The following SGK3 variants were observed in gnomAD, a reference collection of about 807,000 sequenced individuals.
SGK3 encodes serum/glucocorticoid regulated kinase family member 3, also known as serine/threonine-protein kinase Sgk3.
Under a neutral mutation model 68.5 loss-of-function variants are expected in SGK3, and 47 were observed. That is an observed-to-expected ratio of 0.69 (90% CI 0.54 to 0.87). The LOEUF (loss-of-function observed/expected upper bound fraction) is 0.87, where lower values mean the gene tolerates loss of function less well. Among genes scored for constraint, SGK3 ranks in the 40% least tolerant of loss-of-function variants. SGK3 has a pLI of 0.00. For missense variants in SGK3, 479 were observed against 575.5 expected, an observed-to-expected ratio of 0.83 and a Z score of 1.72; for synonymous variants, 181 against 189.1, an observed-to-expected ratio of 0.96 and a Z score of 0.35.
chr8:66,789,145 T>C (rs1807333264), intron 1 of SGK3, among the ~76,000 whole-genome samples: 3 of 151,866 alleles, frequency 2.0e-5, no homozygotes, highest in African/African-American at 4.8e-5. Flanking sequence ...AAACACTACA[T>C]TTAGAATCTC....
chr8:66,827,932 G>A (rs1020203843), intron 6 of SGK3, among the ~76,000 whole-genome samples: 1 of 152,036 alleles, frequency 6.6e-6, no homozygotes, highest in Admixed American at 6.6e-5. Context: ...GACCATCCTG[G>A]CTAACACTGT....
At chr8:66,723,118 TATATATATA>T (rs1563595253) in intron 1 of SGK3, among the ~76,000 whole-genome samples, 54 of 53,346 alleles carry the variant, frequency 1.0e-3, no homozygotes, top group African/African-American at 4.3e-3. Context: ...TATATATATA[TATATATATA>T]TATATTTTTT....
intron 1 of SGK3, among the ~76,000 whole-genome samples, chr8:66,780,671 G>A (rs928714201): frequency 6.6e-6 from 1 of 152,144 alleles, no homozygotes; most frequent in African/African-American, 2.4e-5. Flanking sequence ...ACACAGAGGC[G>A]AGAGGCCCTG....
At chr8:66,795,059 C>A (rs1473314064) in intron 2 of SGK3, among the ~76,000 whole-genome samples, 1 of 152,194 alleles carries the variant, frequency 6.6e-6, no homozygotes, top group African/African-American at 2.4e-5. Context: ...TGATCCACCC[C>A]AGCCTCTAAA....
chr8:66,839,254 A>G (rs903608020), intron 10 of SGK3, among the ~76,000 whole-genome samples: 1 of 151,914 alleles, frequency 6.6e-6, no homozygotes, highest in African/African-American at 2.4e-5. Context: ...GTTAAAGGCC[A>G]GGTTATAAGA....
chr8:66,773,586 C>T (rs1353472285), intron 1 of SGK3, among the ~76,000 whole-genome samples: 1 of 152,110 alleles, frequency 6.6e-6, no homozygotes, highest in Non-Finnish European at 1.5e-5. Flanking sequence ...ACAATTATAA[C>T]AATATGTCAG....
At chr8:66,726,840 G>T (rs1487317866) in intron 1 of SGK3, among the ~76,000 whole-genome samples, 13 of 132,572 alleles carry the variant, frequency 9.8e-5, no homozygotes, top group African/African-American at 3.6e-4. Flanking sequence ...AAAGCTGATT[G>T]TGTTAAATCC....
At chr8:66,769,956 T>C (rs1806454851) in intron 1 of SGK3, among the ~76,000 whole-genome samples, 1 of 152,084 alleles carries the variant, frequency 6.6e-6, no homozygotes, top group African/African-American at 2.4e-5. Context: ...AGTGATTACT[T>C]TTTTTGTTTG....
chr8:66,834,593 T>TA (rs1342075374), intron 8 of SGK3, among the ~76,000 whole-genome samples: 1 of 152,060 alleles, frequency 6.6e-6, no homozygotes, highest in Non-Finnish European at 1.5e-5. Context: ...CTATGTTTAA[T>TA]AAAAAAATTT....
At chr8:66,713,513 A>T (rs566126179) in intron 1 of SGK3, among the ~76,000 whole-genome samples, 1 of 152,318 alleles carries the variant, frequency 6.6e-6, no homozygotes, top group South Asian at 2.1e-4. Context: ...TGCACCAGAG[A>T]CTACTTAGTG....
intron 1 of SGK3, among the ~76,000 whole-genome samples, chr8:66,723,556 AC>A (rs1041612636): frequency 1.3e-5 from 2 of 152,014 alleles, no homozygotes; most frequent in African/African-American, 4.8e-5. Context: ...CAATCCTCCC[AC>A]CCCAGCCTCC....
At chr8:66,816,316 T>G (rs1389624229) in intron 5 of SGK3, among the ~76,000 whole-genome samples, 4 of 151,384 alleles carry the variant, frequency 2.6e-5, no homozygotes, top group African/African-American at 9.8e-5. Context: ...GCATTTTCTT[T>G]TTAGCAAAAT....
chr8:66,855,339 A>T (rs1810470225), intron 16 of SGK3, among the ~76,000 whole-genome samples: 1 of 152,068 alleles, frequency 6.6e-6, no homozygotes, highest in South Asian at 2.1e-4. Flanking sequence ...AGTAGCTGGG[A>T]CTACAGGTGT....
intron 1 of SGK3, among the ~76,000 whole-genome samples, chr8:66,769,669 T>C (rs917256780): frequency 1.3e-5 from 2 of 152,208 alleles, no homozygotes; most frequent in African/African-American, 2.4e-5. Context: ...TCTCTAAAAG[T>C]TGGATTTAGA....
intron 1 of SGK3, among the ~76,000 whole-genome samples, chr8:66,760,740 C>T (rs1008826962): frequency 3.3e-5 from 5 of 152,164 alleles, no homozygotes; most frequent in African/African-American, 1.2e-4. Context: ...GAAAAAGCAG[C>T]TAGTTTAGAT....
chr8:66,798,252 C>G (rs749073036), intron 2 of SGK3, among the ~76,000 whole-genome samples: 7 of 152,086 alleles, frequency 4.6e-5, no homozygotes, highest in Non-Finnish European at 7.4e-5. Flanking sequence ...AAGTAATCCT[C>G]CCACCTCAGC....
intron 5 of SGK3, among the ~76,000 whole-genome samples, chr8:66,815,597 A>G (rs1272536986): frequency 6.6e-6 from 1 of 152,132 alleles, no homozygotes; most frequent in Non-Finnish European, 1.5e-5. Flanking sequence ...TTGAATTGGC[A>G]TATTACTGGC....
chr8:66,859,558 C>T lies in SGK3; in HGVS notation c.1468C>T (p.Pro490Ser), dbSNP rs1273879443. Residue 490 changes from proline (P) to serine (S), a missense_variant, in exon 17 of 17, where the codon CCT becomes TCT. Pro to Ser is a moderately conservative substitution (Grantham distance 74, BLOSUM62 -1). Transcript: ENST00000521198. ...ATTCGTTGGTTTCTCTTATGCACCT[C>T]CTTCAGAAGACTTATTTTTGTGAGC... ...DAFVGFSYAPPSEDLFL is the reference protein window; with the variant it reads ...DAFVGFSYAPSSEDLFL 1.2e-6 allele frequency: 2 copies of T among 1,609,836 alleles called. No individual in the cohort carries two copies. The highest frequency in any genetic ancestry group is 2.7e-5 in the African/African-American group (2 of 74,870).
In SGK3 at chr8:66,859,644, T is replaced by C; in HGVS notation, c.*63T>C. Reference sequence around the variant, plus strand: ...CTATAGATGGGACTGAAACTTCTATTTGTGTGAATATATTCAAATATGTAT... The same window carrying C: ...CTATAGATGGGACTGAAACTTCTATCTGTGTGAATATATTCAAATATGTAT... On this transcript the variant is annotated 3_prime_UTR_variant, in exon 17 of 17. Transcript: ENST00000521198. The C allele has an allele frequency of 1.3e-6, 2 of 1,486,718 alleles. No individual in the cohort carries two copies. The highest frequency in any genetic ancestry group is 1.8e-6 in the Non-Finnish European group (2 of 1,104,412). 92.1% of individuals were successfully genotyped at this position (1,486,718 alleles called of 1,614,324 possible).
Sources: gnomAD v4.1 joint callset for allele counts (sites outside exome capture counted in the v4.1 genomes callset) on GRCh38, gnomAD v4.1.1 for gene constraint, MANE v1.5 for transcripts, NCBI Gene and HGNC (gene_info 2026-07-23, HGNC 2026-07-21) for gene names.